Variants in ITGB5 observed in about 807,000 individuals in gnomAD.
ITGB5 encodes the protein integrin subunit beta 5.
ITGB5 carries 38 observed loss-of-function variants against 84.8 expected under a neutral mutation model. The ratio of observed to expected loss-of-function variants is 0.45; its 90% CI spans 0.35 to 0.59. ITGB5 has a LOEUF of 0.59. Among genes scored for constraint, ITGB5 ranks in the 20% least tolerant of loss-of-function variants. The probability of loss-of-function intolerance (pLI) is 0.01; values close to 1 mark genes in which losing one functional copy is unlikely to be tolerated. For missense variants in ITGB5, 905 were observed against 1,034.5 expected (o/e 0.87, Z 1.72); for synonymous variants, 393 against 414.4 (o/e 0.95, Z 0.63).
At chr3:124,891,591 C>T (rs1308716325), upstream of ITGB5, among the ~76,000 whole-genome samples, 3 of 61,208 alleles carry the variant, frequency 4.9e-5, no homozygotes, top group Non-Finnish European at 6.7e-5. Context: ...GCATAACTGC[C>T]TCAAAAAAAA....
rs922348161 is a variant in ITGB5 at position 124,796,563 on chromosome 3, C to G, written c.1518G>C (p.Gln506His). 1 of 1,614,162 alleles carries G rather than the reference C, an allele frequency of 6.2e-7. No individual in the cohort carries two copies. The highest frequency in any genetic ancestry group is 8.5e-7 in the Non-Finnish European group (1 of 1,180,038). Residue 506 changes from glutamine (Q) to histidine (H), a missense_variant, in exon 10 of 15, where the codon CAG becomes CAC. Transcript: ENST00000296181. ...TRCECQDGEN[Q>H]SVYQNLCREA... ...CCCGGCACAGGTTCTGGTACACGCT[C>G]TGGTTCTCCCCATCCTGGCACTCGC...
intron 10 of ITGB5, among the ~76,000 whole-genome samples, chr3:124,774,525 G>T (rs780853939): frequency 3.3e-5 from 5 of 152,278 alleles, no homozygotes; most frequent in African/African-American, 9.6e-5. Context: ...AGGCCAGGAA[G>T]CCGATGCTCC....
chr3:124,850,363 T>G (rs2065134115), intron 3 of ITGB5, among the ~76,000 whole-genome samples: 2 of 151,926 alleles, frequency 1.3e-5, no homozygotes, highest in African/African-American at 2.4e-5. Context: ...GGGAGAGCAG[T>G]GTTTTATGAG....
chr3:124,872,966 G>A (rs1041029765), intron 2 of ITGB5, among the ~76,000 whole-genome samples: 1 of 152,042 alleles, frequency 6.6e-6, no homozygotes, highest in African/African-American at 2.4e-5. Context: ...TTTCTAAAAG[G>A]CTTAAAGAAA....
chr3:124,874,306 G>GAAAAAAAAAAAAAAAAAAAAAA (rs59287818), intron 1 of ITGB5, among the ~76,000 whole-genome samples: 1 of 113,390 alleles, frequency 8.8e-6, no homozygotes. Context: ...TCAAAAGCCG[G>GAAAAAAAAAAAAAAAAAAAAAA]AAAAAAAAAA....
intron 3 of ITGB5, among the ~76,000 whole-genome samples, chr3:124,848,883 G>A (rs1035073123): frequency 6.6e-6 from 1 of 151,996 alleles, no homozygotes; most frequent in Non-Finnish European, 1.5e-5. Flanking sequence ...AGGTTCAAGC[G>A]ATTCTCATGC....
intron 1 of ITGB5, among the ~76,000 whole-genome samples, chr3:124,874,379 T>C (rs1934208538): frequency 6.6e-6 from 1 of 151,752 alleles, no homozygotes. Context: ...AGATATCCTG[T>C]GCTCACGGTT....
intron 5 of ITGB5, among the ~76,000 whole-genome samples, chr3:124,827,125 A>C (rs535907840): frequency 6.6e-5 from 10 of 152,342 alleles, no homozygotes; most frequent in African/African-American, 1.2e-4. Context: ...CAAAACAAAA[A>C]AAAACAATGA....
chr3:124,853,821 T>C (rs534660267), intron 3 of ITGB5, among the ~76,000 whole-genome samples: 13 of 152,204 alleles, frequency 8.5e-5, no homozygotes, highest in Non-Finnish European at 1.5e-4. Context: ...GAAGGGTACA[T>C]AGAACATCTC....
chr3:124,818,130 T>C (rs1462175127), intron 7 of ITGB5, among the ~76,000 whole-genome samples: 3 of 152,168 alleles, frequency 2.0e-5, no homozygotes, highest in Non-Finnish European at 4.4e-5. Context: ...TCAGAAGGCG[T>C]GAAAAGGGCA....
upstream of ITGB5, among the ~76,000 whole-genome samples, chr3:124,889,033 A>G (rs1026228556): frequency 5.3e-5 from 8 of 152,170 alleles, no homozygotes; most frequent in Non-Finnish European, 1.5e-5. Context: ...TCACTAAGCC[A>G]GGAGAAAAAT....
chr3:124,802,215 T>C (rs1251147688), intron 9 of ITGB5, among the ~76,000 whole-genome samples: 1 of 152,234 alleles, frequency 6.6e-6, no homozygotes, highest in East Asian at 1.9e-4. Flanking sequence ...GCACGGGATT[T>C]GGTACATAAA....
intron 2 of ITGB5, among the ~76,000 whole-genome samples, chr3:124,859,706 T>A (rs1284516358): frequency 1.3e-5 from 2 of 152,210 alleles, no homozygotes; most frequent in Non-Finnish European, 2.9e-5. Context: ...GTTATTTTGA[T>A]GGTTAAAATG....
chr3:124,824,945 T>C (rs1338296244), intron 5 of ITGB5, among the ~76,000 whole-genome samples: 1 of 152,164 alleles, frequency 6.6e-6, no homozygotes, highest in African/African-American at 2.4e-5. Flanking sequence ...ATGCCTGTAA[T>C]CCCAGCACTT....
chr3:124,799,891 A>G (rs2064290797), intron 9 of ITGB5, among the ~76,000 whole-genome samples: 1 of 152,206 alleles, frequency 6.6e-6, no homozygotes. Context: ...GGTGATCCCC[A>G]AAGTGGTGGC....
intron 9 of ITGB5, among the ~76,000 whole-genome samples, chr3:124,802,728 C>T (rs2064335096): frequency 6.6e-6 from 1 of 152,252 alleles, no homozygotes; most frequent in Non-Finnish European, 1.5e-5. Context: ...CCAAGGCCCT[C>T]AAGAGAGCTG....
chr3:124,795,534 C>CA (rs1207506456), intron 10 of ITGB5, among the ~76,000 whole-genome samples: 1 of 151,954 alleles, frequency 6.6e-6, no homozygotes, highest in Admixed American at 6.6e-5. Context: ...TAAGAGCCCC[C>CA]AGAGATGTCC....
In ITGB5 at chr3:124,809,060, C is replaced by G; in HGVS notation, c.1225G>C (p.Gly409Arg). 6.2e-7 allele frequency: 1 copy of G among 1,614,118 alleles called. No individual in the cohort carries two copies. Among genetic ancestry groups the G allele is most frequent in the Non-Finnish European group, 8.5e-7 (1 of 1,180,002 alleles). Residue 409 changes from glycine (G) to arginine (R), a missense_variant, in exon 9 of 15, where the codon GGT (glycine) becomes CGT (arginine). Around this residue, in one of 3 missense-constraint regions of ITGB5, gnomAD observed 656 missense variants for 734.7 expected, o/e 0.89. Transcript: ENST00000296181. The part of the protein sequence containing the change: ...ATCQDGVSYP[G>R]QRKCEGLKIG... Reference sequence around the variant, plus strand: ...TTCAGACCCTCACACTTCCTCTGACCAGGATAGGATACCCCATCTTGGCAG... The same window carrying G: ...TTCAGACCCTCACACTTCCTCTGACGAGGATAGGATACCCCATCTTGGCAG...
At chr3:124,898,010 T>C (rs879561904) in intron 1 of ITGB5, among the ~76,000 whole-genome samples, 1 of 152,080 alleles carries the variant, frequency 6.6e-6, no homozygotes, top group Non-Finnish European at 1.5e-5. Flanking sequence ...TCTTGCAAAA[T>C]CCTCTATATT....
Sources: gnomAD v4.1 joint callset for allele counts (sites outside exome capture counted in the v4.1 genomes callset) on GRCh38, gnomAD v4.1.1 for gene constraint, gnomAD v4.1.1 regional missense constraint, MANE v1.5 for transcripts, NCBI Gene and HGNC (gene_info 2026-07-23, HGNC 2026-07-21) for gene names.